ADK: variants seen among roughly 807,000 people sequenced by gnomAD.
ADK encodes N6,N6-dimethyladenosine kinase.
Under a neutral mutation model 44.7 loss-of-function variants are expected in ADK, and 24 were observed. The observed-to-expected ratio is 0.54, with a 90% CI of 0.39 to 0.76. The LOEUF (loss-of-function observed/expected upper bound fraction) is 0.76. Ranked by LOEUF, ADK falls within the 30% of genes least tolerant of loss-of-function variation. The pLI, the probability that ADK is intolerant of heterozygous loss-of-function variation, is 0.00. For missense variants in ADK, 321 were observed against 425.1 expected (o/e 0.76, Z 2.15); for synonymous variants, 128 against 142.6 (o/e 0.90, Z 0.73).
intron 9 of ADK, among the ~76,000 whole-genome samples, chr10:74,611,006 C>T (rs1852519466): frequency 6.6e-6 from 1 of 152,040 alleles, no homozygotes; most frequent in Non-Finnish European, 1.5e-5. Context: ...AATAGGTCCA[C>T]TGAAAAATAA....
chr10:74,496,932 G>A (rs566560363), intron 6 of ADK, among the ~76,000 whole-genome samples: 1 of 152,012 alleles, frequency 6.6e-6, no homozygotes, highest in Non-Finnish European at 1.5e-5. Flanking sequence ...TGCCTTTACA[G>A]CAGTCCAAAC....
chr10:74,467,531 C>T (rs909160798), intron 6 of ADK, among the ~76,000 whole-genome samples: 5 of 152,066 alleles, frequency 3.3e-5, no homozygotes, highest in African/African-American at 1.2e-4. Context: ...TTACTTAATA[C>T]ATTCATTTCT....
intron 3 of ADK, among the ~76,000 whole-genome samples, chr10:74,237,235 T>A (rs968860992): frequency 6.6e-6 from 1 of 152,220 alleles, no homozygotes; most frequent in African/African-American, 2.4e-5. Context: ...TTCTTTGTTG[T>A]CATTTCAGCA....
intron 2 of ADK, among the ~76,000 whole-genome samples, chr10:74,218,978 A>G (rs1211605187): frequency 6.6e-6 from 1 of 152,106 alleles, no homozygotes; most frequent in East Asian, 1.9e-4. Context: ...CAAAATAACC[A>G]GCTAACATCA....
chr10:74,184,528 TG>T (rs1842677888), intron 1 of ADK, among the ~76,000 whole-genome samples: 1 of 148,210 alleles, frequency 6.7e-6, no homozygotes, highest in African/African-American at 2.5e-5. Flanking sequence ...TGTGTGTGTG[TG>T]TGTGTGTGTG....
chr10:74,246,797 C>CTA (rs1215539700), intron 3 of ADK, among the ~76,000 whole-genome samples: 1 of 151,950 alleles, frequency 6.6e-6, no homozygotes, highest in Non-Finnish European at 1.5e-5. Context: ...AAACAGTGGC[C>CTA]TATAATTTTG....
chr10:74,664,797 G>A (rs954391800), intron 9 of ADK, among the ~76,000 whole-genome samples: 4 of 152,014 alleles, frequency 2.6e-5, no homozygotes, highest in South Asian at 2.1e-4. Flanking sequence ...AGCCAGGATC[G>A]CACCACTGCA....
chr10:74,186,276 C>CCCTTTCCCTTCTCCTTT (rs1349393512), intron 1 of ADK, among the ~76,000 whole-genome samples: 2 of 150,872 alleles, frequency 1.3e-5, no homozygotes, highest in East Asian at 3.9e-4. Flanking sequence ...CTCCCTTCTC[C>CCCTTTCCCTTCTCCTTT]CCTTTCCCTT....
chr10:74,314,943 T>C (rs1488839419), intron 4 of ADK, among the ~76,000 whole-genome samples, 198 bp downstream of exon 4: 6 of 152,154 alleles, frequency 3.9e-5, no homozygotes, highest in Non-Finnish European at 5.9e-5. Context: ...GCTTGAACTT[T>C]TAATGTTTAT....
At chr10:74,677,103 G>C (rs1418883654) in intron 10 of ADK, among the ~76,000 whole-genome samples, 1 of 152,042 alleles carries the variant, frequency 6.6e-6, no homozygotes, top group Non-Finnish European at 1.5e-5. Flanking sequence ...AAATTAGCTG[G>C]GCATGGTGGC....
chr10:74,162,505 C>T (rs866817016), intron 1 of ADK, among the ~76,000 whole-genome samples: 12 of 150,192 alleles, frequency 8.0e-5, no homozygotes, highest in Middle Eastern at 6.8e-3. Context: ...GAAAGGTACT[C>T]CCGATTGCAT....
chr10:74,216,882 A>T (rs1489284821), intron 2 of ADK, among the ~76,000 whole-genome samples: 1 of 152,172 alleles, frequency 6.6e-6, no homozygotes, highest in Non-Finnish European at 1.5e-5. Flanking sequence ...ATAAAAAGTG[A>T]GAGGAGCCCA....
chr10:74,700,519 A>T (rs1856384460), intron 10 of ADK, among the ~76,000 whole-genome samples: 1 of 152,226 alleles, frequency 6.6e-6, no homozygotes, highest in South Asian at 2.1e-4. Flanking sequence ...CTGGGATTAC[A>T]GGCGTGAGCC....
intron 1 of ADK, among the ~76,000 whole-genome samples, chr10:74,191,193 C>T (rs914846217): frequency 1.3e-5 from 2 of 151,990 alleles, no homozygotes; most frequent in Admixed American, 6.5e-5. Context: ...GTTGGCCAGG[C>T]TGGTCTCGAA....
intron 3 of ADK, among the ~76,000 whole-genome samples, chr10:74,287,982 C>CAAAAAAAAA (rs367569110): frequency 1.5e-5 from 1 of 68,624 alleles, no homozygotes. Flanking sequence ...GACCCTGTCT[C>CAAAAAAAAA]AAAAAAAAAA....
At chr10:74,678,791 A>G (rs1389075091) in intron 10 of ADK, among the ~76,000 whole-genome samples, 1 of 152,218 alleles carries the variant, frequency 6.6e-6, no homozygotes, top group Non-Finnish European at 1.5e-5. Flanking sequence ...GTGACATAAC[A>G]AAATATATGT....
intron 3 of ADK, among the ~76,000 whole-genome samples, chr10:74,243,860 A>C (rs1845316404): frequency 6.6e-6 from 1 of 152,166 alleles, no homozygotes; most frequent in South Asian, 2.1e-4. Flanking sequence ...TCTCAAAAAA[A>C]ATTTTTTTTA....
intron 3 of ADK, among the ~76,000 whole-genome samples, chr10:74,296,800 G>C (rs562419848): frequency 6.6e-6 from 1 of 151,758 alleles, no homozygotes; most frequent in African/African-American, 2.4e-5. Context: ...ATTTTTAGTA[G>C]AGACGGGGTT....
intron 3 of ADK, among the ~76,000 whole-genome samples, chr10:74,302,079 TTTTCTTTTCTG>T: frequency 7.0e-6 from 1 of 142,378 alleles, no homozygotes; most frequent in Non-Finnish European, 1.5e-5. Flanking sequence ...TTTTGCTTTC[TTTTCTTTTCTG>T]TTTTTTTTTT....
Sources: gnomAD v4.1 joint callset for allele counts (sites outside exome capture counted in the v4.1 genomes callset) on GRCh38, gnomAD v4.1.1 for gene constraint, MANE v1.5 for transcripts, NCBI Gene and HGNC (gene_info 2026-07-23, HGNC 2026-07-21) for gene names.